Variants in NEBL observed in about 807,000 individuals in gnomAD.
NEBL encodes the protein LIM and SH3 protein 2.
A neutral mutation model predicts 140.2 loss-of-function variants in NEBL; 122 were observed. The observed-to-expected ratio is 0.87, with a 90% CI of 0.75 to 1.01. The LOEUF is 1.01. Ranked by LOEUF, NEBL falls within the 50% of genes least tolerant of loss-of-function variation. The pLI is 0.00. For missense variants in NEBL, 1,365 were observed against 1,231.3 expected (o/e 1.11, Z -1.62); for synonymous variants, 436 against 398.9 (o/e 1.09, Z -1.11).
intron 3 of NEBL, among the ~76,000 whole-genome samples, chr10:21,213,337 A>C (rs1483749886): frequency 2.0e-5 from 3 of 152,204 alleles, no homozygotes; most frequent in African/African-American, 2.4e-5. Flanking sequence ...TGCCCAGAGA[A>C]AGGACATTAG....
At chr10:21,282,170 G>A (rs912700071) in intron 1 of NEBL, among the ~76,000 whole-genome samples, 1 of 152,162 alleles carries the variant, frequency 6.6e-6, no homozygotes, top group African/African-American at 2.4e-5. Context: ...AATGGAAGAG[G>A]AATTCCAGTG....
chr10:20,952,041 C>A (rs1268001521), intron 4 of NEBL, among the ~76,000 whole-genome samples: 1 of 152,142 alleles, frequency 6.6e-6, no homozygotes, highest in African/African-American at 2.4e-5. Context: ...ATAATTCAAC[C>A]AAGATCTGGA....
chr10:20,972,845 G>A (rs1255233821), intron 3 of NEBL, among the ~76,000 whole-genome samples: 2 of 152,026 alleles, frequency 1.3e-5, no homozygotes, highest in Non-Finnish European at 2.9e-5. Context: ...ATCTCAAAAA[G>A]TCATTTTAAT....
chr10:20,948,334 T>G (rs1835280681), intron 4 of NEBL, among the ~76,000 whole-genome samples: 2 of 152,234 alleles, frequency 1.3e-5, no homozygotes, highest in Admixed American at 6.5e-5. Flanking sequence ...AATATGCTAG[T>G]CAGTTTACTC....
chr10:21,184,269 G>A (rs1841430259), intron 3 of NEBL, among the ~76,000 whole-genome samples: 1 of 152,172 alleles, frequency 6.6e-6, no homozygotes, highest in South Asian at 2.1e-4. Flanking sequence ...CTCAGATAAT[G>A]CAACAAAAAT....
intron 3 of NEBL, among the ~76,000 whole-genome samples, chr10:21,221,332 T>C (rs556507798): frequency 5.3e-5 from 8 of 151,976 alleles, no homozygotes; most frequent in Non-Finnish European, 1.0e-4. Flanking sequence ...AAATAAAGAA[T>C]AAAAAAATAA....
At chr10:20,996,559 G>A (rs1214151567) in intron 3 of NEBL, among the ~76,000 whole-genome samples, 2 of 152,160 alleles carry the variant, frequency 1.3e-5, no homozygotes, top group East Asian at 1.9e-4. Flanking sequence ...GAGAGTTTAA[G>A]TAACTTGTCC....
intron 2 of NEBL, among the ~76,000 whole-genome samples, chr10:21,033,777 T>C (rs955949651): frequency 6.7e-6 from 1 of 150,186 alleles, no homozygotes; most frequent in East Asian, 2.0e-4. Context: ...AAAAGAAAAT[T>C]GTATGATAAA....
chr10:21,069,372 T>C lies in NEBL; in HGVS notation c.165-49171A>G, dbSNP rs568880010. 9.9e-5 allele frequency among the ~76,000 whole-genome samples: 15 copies of C among 152,258 alleles called. 1 individual carries two copies. In the South Asian group the frequency reaches 3.1e-3, roughly 32 times the overall value. ...CATGGCATTGTTCTCCCATGCACCATGTCACATAAACCACAGCCAGTAGAG... is the reference window on the plus strand; with the variant it reads ...CATGGCATTGTTCTCCCATGCACCACGTCACATAAACCACAGCCAGTAGAG... On this transcript the variant is annotated intron_variant, in intron 2 of 6. Coordinates refer to the NEBL transcript ENST00000417816.
At chr10:21,223,868 A>G (rs1842107707) in intron 3 of NEBL, among the ~76,000 whole-genome samples, 1 of 152,154 alleles carries the variant, frequency 6.6e-6, no homozygotes, top group African/African-American at 2.4e-5. Flanking sequence ...TCTTTCACTC[A>G]TTTTTAATTG....
At chr10:20,858,699 G>C (rs538137947) in intron 8 of NEBL, among the ~76,000 whole-genome samples, 1 of 151,896 alleles carries the variant, frequency 6.6e-6, no homozygotes, top group African/African-American at 2.4e-5. Context: ...GTGGAGATCT[G>C]AGGATTTTGA....
At chr10:21,274,663 T>G (rs1252894068) in intron 1 of NEBL, among the ~76,000 whole-genome samples, 1 of 152,140 alleles carries the variant, frequency 6.6e-6, no homozygotes, top group East Asian at 1.9e-4. Context: ...TGGCCTCAAG[T>G]GTTCCACCCG....
chr10:21,247,637 G>A (rs1447171467), intron 3 of NEBL: 1 of 152,120 alleles, frequency 6.6e-6, no homozygotes, highest in African/African-American at 2.4e-5. Context: ...CCTATTTGCT[G>A]CTTCCCCAAG....
intron 2 of NEBL, among the ~76,000 whole-genome samples, chr10:21,134,970 A>T (rs1260376002): frequency 6.6e-6 from 1 of 152,176 alleles, no homozygotes; most frequent in Non-Finnish European, 1.5e-5. Context: ...ATGCCTTTTT[A>T]AAAAACCAGA....
At chr10:20,927,286 T>C (rs972353554) in intron 4 of NEBL, among the ~76,000 whole-genome samples, 8 of 152,214 alleles carry the variant, frequency 5.3e-5, no homozygotes, top group Non-Finnish European at 1.5e-5. Flanking sequence ...CTTTAAAATT[T>C]ATATTAACTT....
intron 19 of NEBL, among the ~76,000 whole-genome samples, chr10:20,822,607 A>G (rs1564355692): frequency 6.6e-6 from 1 of 151,362 alleles, no homozygotes; most frequent in African/African-American, 2.4e-5. Context: ...CTATATATAA[A>G]CTAATATAGA....
At chr10:20,878,100 C>T (rs538319849) in intron 5 of NEBL, among the ~76,000 whole-genome samples, 24 of 152,200 alleles carry the variant, frequency 1.6e-4, no homozygotes, top group South Asian at 6.2e-4. Flanking sequence ...TTTGGGGTGG[C>T]GCAAAAGACT....
rs7918562 is a variant in NEBL at position 21,055,392 on chromosome 10, C to T, written c.165-35191G>A. On this transcript the variant is annotated intron_variant, in intron 2 of 6. Transcript: ENST00000417816. ...ACCCCAAAGGAAATAGGTCTGGAGG[C>T]AGAGGGTCTGTGGCATCAAAGCCAC... Among the ~76,000 whole-genome samples the T allele has an allele frequency of 4.9e-3, 746 of 152,256 alleles. 8 individuals are homozygous for T. Among genetic ancestry groups the T allele is most frequent in the African/African-American group, 0.017 (713 of 41,536 alleles).
At chr10:21,234,008 G>GAGAT (rs35919028) in intron 3 of NEBL, among the ~76,000 whole-genome samples, 46,026 of 139,320 alleles carry the variant, frequency 0.33, 7,959 homozygotes, top group East Asian at 0.47. Flanking sequence ...AGGAGATTGT[G>GAGAT]AGATAGATAG....
Sources: gnomAD v4.1 joint callset for allele counts (sites outside exome capture counted in the v4.1 genomes callset) on GRCh38, gnomAD v4.1.1 for gene constraint, MANE v1.5 for transcripts, NCBI Gene and HGNC (gene_info 2026-07-23, HGNC 2026-07-21) for gene names.